FMN1: variants seen among roughly 807,000 people sequenced by gnomAD.
FMN1 encodes the protein formin 1.
FMN1 carries 110 observed loss-of-function variants against 132.4 expected under a neutral mutation model. The ratio of observed to expected loss-of-function variants is 0.83; its 90% CI spans 0.71 to 0.97. The LOEUF is 0.97. Ranked by LOEUF, FMN1 falls within the 50% of genes least tolerant of loss-of-function variation. The pLI, the probability that FMN1 is intolerant of heterozygous loss-of-function variation, is 0.00. For missense variants in FMN1, 1,792 were observed against 1,705.3 expected (o/e 1.05, Z -0.90); for synonymous variants, 722 against 651.7 (o/e 1.11, Z -1.64).
At chr15:33,076,076 G>A (rs1457160455) in intron 5 of FMN1, among the ~76,000 whole-genome samples, 1 of 152,160 alleles carries the variant, frequency 6.6e-6, no homozygotes, top group African/African-American at 2.4e-5. Flanking sequence ...AATGTAAAAG[G>A]GGAGAGAAAG....
intron 4 of FMN1, among the ~76,000 whole-genome samples, chr15:33,108,808 CCT>C (rs758636389): frequency 1.3e-5 from 2 of 152,072 alleles, no homozygotes; most frequent in Non-Finnish European, 2.9e-5. Flanking sequence ...AAACAACTCC[CCT>C]GTCTTAGTAA....
At chr15:32,803,441 G>C (rs1453456244) in intron 18 of FMN1, among the ~76,000 whole-genome samples, 1 of 152,188 alleles carries the variant, frequency 6.6e-6, no homozygotes, top group Non-Finnish European at 1.5e-5. Context: ...AGGTTCCACT[G>C]GGTGGAGTGA....
At chr15:32,859,893 C>T (rs1430472597) in intron 16 of FMN1, among the ~76,000 whole-genome samples, 1 of 152,038 alleles carries the variant, frequency 6.6e-6, no homozygotes. Context: ...TTTAAGTTAT[C>T]CAGGCATGAT....
At chr15:33,110,100 A>C (rs1298081204) in intron 4 of FMN1, among the ~76,000 whole-genome samples, 1 of 152,110 alleles carries the variant, frequency 6.6e-6, no homozygotes, top group Non-Finnish European at 1.5e-5. Flanking sequence ...AATAACTGAT[A>C]ATTGTCATAC....
chr15:32,866,229 A>AT (rs2059390254), intron 16 of FMN1, among the ~76,000 whole-genome samples: 1 of 127,480 alleles, frequency 7.8e-6, no homozygotes, highest in African/African-American at 3.7e-5. Flanking sequence ...AAGTATAATA[A>AT]AAAAAAAGAA....
chr15:32,840,447 G>C (rs767189563), intron 17 of FMN1, among the ~76,000 whole-genome samples: 7 of 152,164 alleles, frequency 4.6e-5, no homozygotes, highest in Admixed American at 6.5e-5. Context: ...GCACATTCAA[G>C]ATACTACCGA....
chr15:32,851,084 C>CAA (rs147231214), intron 17 of FMN1, among the ~76,000 whole-genome samples: 2 of 151,214 alleles, frequency 1.3e-5, no homozygotes, highest in African/African-American at 4.9e-5. Flanking sequence ...CAAAACAAAA[C>CAA]AAAAAAAACA....
chr15:32,986,952 T>C (rs1022898341), intron 7 of FMN1, among the ~76,000 whole-genome samples: 4 of 152,168 alleles, frequency 2.6e-5, no homozygotes, highest in African/African-American at 9.7e-5. Flanking sequence ...TGATCAAACA[T>C]GGACTATAAT....
chr15:33,081,734 G>C (rs2038468299), intron 5 of FMN1, among the ~76,000 whole-genome samples: 2 of 152,186 alleles, frequency 1.3e-5, no homozygotes, highest in Non-Finnish European at 2.9e-5. Context: ...TCCTGCCCGT[G>C]CCCTTGCTGA....
At chr15:32,798,981 TG>T in intron 18 of FMN1, 28 bp from the exon 19 acceptor site, 4 of 1,609,322 alleles carry the variant, frequency 2.5e-6, no homozygotes, top group Non-Finnish European at 3.4e-6. Flanking sequence ...GAAAATGGAA[TG>T]AGGTAGAGGT....
chr15:33,171,238 A>G (rs573522450), intron 3 of FMN1, among the ~76,000 whole-genome samples: 1 of 152,330 alleles, frequency 6.6e-6, no homozygotes, highest in African/African-American at 2.4e-5. Flanking sequence ...GAGGGGAATG[A>G]AAAGGGGTAG....
chr15:32,832,550 C>T (rs531985461), intron 17 of FMN1, among the ~76,000 whole-genome samples: 4 of 151,984 alleles, frequency 2.6e-5, no homozygotes, highest in East Asian at 1.9e-4. Flanking sequence ...GAGGCCGAGG[C>T]GGGCAGATCA....
chr15:32,902,501 C>T (rs959528001), intron 12 of FMN1, among the ~76,000 whole-genome samples: 3 of 152,086 alleles, frequency 2.0e-5, no homozygotes, highest in African/African-American at 7.2e-5. Flanking sequence ...AAAAAAATCT[C>T]TTACTAAAGT....
At chr15:33,079,839 T>C (rs1037795341) in intron 5 of FMN1, among the ~76,000 whole-genome samples, 5 of 152,216 alleles carry the variant, frequency 3.3e-5, no homozygotes, top group South Asian at 2.1e-4. Flanking sequence ...ACTTTTTTTT[T>C]CAACTGCTTT....
chr15:33,051,501 C>CTAA (rs3081666), intron 6 of FMN1, among the ~76,000 whole-genome samples: 132,951 of 151,708 alleles, frequency 0.88, 58,949 homozygotes, highest in Non-Finnish European at 0.93. Flanking sequence ...CAGTGCCGCT[C>CTAA]TAATAATTGG....
At chr15:32,848,977 G>GTTTTTTTTTTTTT (rs71113479) in intron 17 of FMN1, among the ~76,000 whole-genome samples, 7 of 89,548 alleles carry the variant, frequency 7.8e-5, no homozygotes, top group Non-Finnish European at 1.2e-4. Flanking sequence ...GTTCTCTTTT[G>GTTTTTTTTTTTTT]TTTTTTTTTT....
At chr15:32,776,376 GGTCCT>G (rs2056417905) in intron 20 of FMN1, among the ~76,000 whole-genome samples, 1 of 152,092 alleles carries the variant, frequency 6.6e-6, no homozygotes. Context: ...CCCAGAATCT[GGTCCT>G]GGCTTTTGTT....
chr15:32,943,399 C>T (rs1044488741), intron 9 of FMN1, among the ~76,000 whole-genome samples: 9 of 152,186 alleles, frequency 5.9e-5, no homozygotes, highest in African/African-American at 1.9e-4. Flanking sequence ...CATCAATACT[C>T]GCTGAATTCC....
intron 5 of FMN1, among the ~76,000 whole-genome samples, chr15:33,084,430 T>A (rs573458423): frequency 7.2e-4 from 110 of 152,292 alleles, no homozygotes; most frequent in African/African-American, 2.5e-3. Context: ...CCACTACTTG[T>A]GACTGGCATC....
Sources: gnomAD v4.1 joint callset for allele counts (sites outside exome capture counted in the v4.1 genomes callset) on GRCh38, gnomAD v4.1.1 for gene constraint, MANE v1.5 for transcripts, NCBI Gene and HGNC (gene_info 2026-07-23, HGNC 2026-07-21) for gene names.